Variants in PRDM15 observed in about 807,000 individuals in gnomAD.
PRDM15 encodes the protein PR/SET domain 15, also known as PR domain zinc finger protein 15.
A neutral mutation model predicts 128.6 loss-of-function variants in PRDM15; 64 were observed. The observed-to-expected ratio is 0.50, with a 90% CI of 0.41 to 0.61. The LOEUF is 0.61. PRDM15 is among the 20% of genes least tolerant of loss of function. PRDM15 has a pLI of 0.00. For missense variants in PRDM15, 1,242 were observed against 1,569.1 expected, an observed-to-expected ratio of 0.79 and a Z score of 3.52; for synonymous variants, 615 against 621.8, an observed-to-expected ratio of 0.99 and a Z score of 0.16.
chr21:41,837,977 C>T lies in PRDM15; in HGVS notation c.958G>A (p.Gly320Arg). 2 of 1,614,198 alleles carry T rather than the reference C, an allele frequency of 1.2e-6. No homozygotes were observed. The highest frequency in any genetic ancestry group is 2.2e-5 in the East Asian group (1 of 44,878). ...TCAGTGGTGGTGGTGGCCAGCTTCC[C>T]CAGAACCAGCTCCATGATCCGCTCA... The part of the protein sequence containing the change: ...PDERIMELVL[G>R]KLATTTTDTS... Residue 320 changes from glycine to arginine, a missense_variant, in exon 8 of 24, where the codon GGG (glycine) becomes AGG (arginine). Coordinates refer to ENST00000398548, the MANE Select transcript of PRDM15 (RefSeq NM_001040424.3).
intron 21 of PRDM15, among the ~76,000 whole-genome samples, chr21:41,809,002 C>A (rs2061769988): frequency 6.6e-6 from 1 of 152,226 alleles, no homozygotes; most frequent in South Asian, 2.1e-4. Context: ...AACCCCCCGC[C>A]CCCGCAAGAG....
chr21:41,874,581 C>T (rs1486606818), intron 1 of PRDM15, among the ~76,000 whole-genome samples: 1 of 138,898 alleles, frequency 7.2e-6, no homozygotes, highest in African/African-American at 2.7e-5. Flanking sequence ...TTACGAGACA[C>T]CTGAAACACC....
chr21:41,862,329 C>T lies in PRDM15; in HGVS notation c.-9-1957G>A, dbSNP rs1302819949. ...TCGGAGTGGGAGGATGGAAGGAAGT[C>T]GTCCTGGCCTTGCTTACTTGGGAGC... On this transcript the variant is annotated intron_variant, in intron 1 of 23. Coordinates refer to ENST00000398548, the MANE Select transcript of PRDM15 (RefSeq NM_001040424.3). The surrounding 1 kb of genome is among the most constrained non-coding windows in gnomAD (Gnocchi z 4.1). 2.6e-5 allele frequency among the ~76,000 whole-genome samples: 4 copies of T among 152,178 alleles called. No homozygotes were observed. Among genetic ancestry groups the T allele is most frequent in the Non-Finnish European group, 5.9e-5 (4 of 68,026 alleles).
intron 18 of PRDM15, among the ~76,000 whole-genome samples, chr21:41,817,358 G>A (rs1208552392): frequency 2.0e-5 from 3 of 152,144 alleles, no homozygotes; most frequent in African/African-American, 7.2e-5. Context: ...GGCCCATGAT[G>A]TGATTCTGAA....
chr21:41,846,901 G>T (rs917535866), intron 6 of PRDM15, among the ~76,000 whole-genome samples, 189 bp downstream of exon 6: 10 of 152,114 alleles, frequency 6.6e-5, no homozygotes, highest in Non-Finnish European at 1.2e-4. Flanking sequence ...GGTCGGGGGT[G>T]GGAAGCGGGA....
intron 21 of PRDM15, among the ~76,000 whole-genome samples, chr21:41,806,470 G>T (rs867855912): frequency 5.0e-4 from 13 of 25,902 alleles, no homozygotes; most frequent in Admixed American, 5.7e-4. Flanking sequence ...ATCACCACCA[G>T]CACCACCCAT....
In PRDM15 at chr21:41,828,370, G is replaced by A; in HGVS notation, c.1367-37C>T. 6.2e-7 allele frequency: 1 copy of A among 1,609,336 alleles called. No homozygotes were observed. The highest frequency in any genetic ancestry group is 8.5e-7 in the Non-Finnish European group (1 of 1,176,414). On this transcript the variant is annotated intron_variant, in intron 11 of 23. Coordinates refer to ENST00000398548, the MANE Select transcript of PRDM15 (RefSeq NM_001040424.3). This position sits in a 1 kb window ranked among gnomAD's most constrained non-coding sequence, Gnocchi z 5.7. ...GCAAACAAACACACAACGATTTTGA[G>A]GTAAATAACATCTCACGCAGGCACG...
intron 1 of PRDM15, chr21:41,878,914 G>A: frequency 1.0e-6 from 1 of 954,166 alleles, no homozygotes; most frequent in Non-Finnish European, 1.2e-6. Flanking sequence ...CCCCGCGCTG[G>A]GCCTGGCCGC....
At chr21:41,863,455 T>C (rs2063892898) in intron 1 of PRDM15, among the ~76,000 whole-genome samples, 1 of 152,174 alleles carries the variant, frequency 6.6e-6, no homozygotes, top group Non-Finnish European at 1.5e-5. Flanking sequence ...CTCTTTACAA[T>C]TTATATGACT....
chr21:41,831,094 T>G (rs1247286064), intron 11 of PRDM15, among the ~76,000 whole-genome samples: 1 of 152,278 alleles, frequency 6.6e-6, no homozygotes, highest in Non-Finnish European at 1.5e-5. Context: ...ACTGCACTTC[T>G]GGGCCCCTGG....
intron 21 of PRDM15, among the ~76,000 whole-genome samples, chr21:41,807,635 G>C (rs2061723894): frequency 6.6e-6 from 1 of 152,016 alleles, no homozygotes; most frequent in Non-Finnish European, 1.5e-5. Flanking sequence ...CTCCTACCCA[G>C]ACCGTAAAGT....
chr21:41,852,163 T>C (rs2063448530), intron 5 of PRDM15, among the ~76,000 whole-genome samples: 1 of 152,226 alleles, frequency 6.6e-6, no homozygotes, highest in Admixed American at 6.5e-5. Context: ...ACGAAACACC[T>C]GTAGCTCCAA....
chr21:41,852,634 G>A (rs1568987233), intron 5 of PRDM15, among the ~76,000 whole-genome samples: 1 of 152,224 alleles, frequency 6.6e-6, no homozygotes, highest in African/African-American at 2.4e-5. Flanking sequence ...CGAAGGGTGC[G>A]AAGCCCCCAG....
At chr21:41,829,563 A>G (rs2062609949) in intron 11 of PRDM15, among the ~76,000 whole-genome samples, 1 of 149,294 alleles carries the variant, frequency 6.7e-6, no homozygotes, top group African/African-American at 2.5e-5. Context: ...CACCACATAC[A>G]CAACCCACAA....
rs181300971 is a variant in PRDM15, at chr21:41,878,757, G to A, written c.-10+513C>T. On this transcript the variant is annotated intron_variant, in intron 1 of 23. Transcript: ENST00000398548. ...AGGGACCCCCCCGTGCGACCCGCAT[G>A]GGCTGTACCCGAGGGCGGGGGATAA... 6.8e-5 allele frequency: 103 copies of A among 1,521,306 alleles called. No homozygotes were observed. In the African/African-American group the frequency reaches 1.2e-3, roughly 18 times the overall value. 94.2% of individuals were successfully genotyped at this position (1,521,306 alleles called of 1,614,324 possible).
In PRDM15 at chr21:41,836,266, A is replaced by G. The variant is rs537811954; in HGVS notation, c.1184-59T>C. On this transcript the variant is annotated intron_variant, in intron 9 of 23. Coordinates refer to ENST00000398548, the MANE Select transcript of PRDM15 (RefSeq NM_001040424.3). The stretch of plus-strand genomic sequence containing the variant: ...ACTTAGAGCATTTACCGAGAGAAGC[A>G]TGCCCACCGGGGAAATGCCCCACAA... The G allele has an allele frequency of 4.0e-6, 6 of 1,503,912 alleles. No homozygotes were observed. In the African/African-American group the frequency reaches 4.1e-5, roughly 10 times the overall value. The allele number at this position is 1,503,912 out of a possible 1,614,324, so 93.2% of individuals were successfully genotyped here. A position where few individuals can be genotyped will look rare whatever the true frequency, so the allele number is the denominator to read the frequency against.
At chr21:41,840,442 CA>C (rs35052917) in intron 6 of PRDM15, among the ~76,000 whole-genome samples, 49,864 of 91,222 alleles carry the variant, frequency 0.55, 10,277 homozygotes, top group East Asian at 0.64. Flanking sequence ...AAGACTGTCT[CA>C]AAAAAAAAAA....
chr21:41,825,515 G>A (rs955818391), intron 13 of PRDM15, among the ~76,000 whole-genome samples: 2 of 152,220 alleles, frequency 1.3e-5, no homozygotes, highest in East Asian at 1.9e-4. Context: ...CCATGGGATC[G>A]GCCATGCTCT....
chr21:41,806,033 TCAC>T (rs1568879899), intron 21 of PRDM15, among the ~76,000 whole-genome samples: 2 of 14,280 alleles, frequency 1.4e-4, no homozygotes, highest in African/African-American at 4.8e-4. Context: ...ACCACCACCA[TCAC>T]CACCACCATC....
Sources: allele counts gnomAD v4.1 joint callset (sites outside exome capture counted in the v4.1 genomes callset), GRCh38; gene constraint gnomAD v4.1.1; non-coding constraint Gnocchi (gnomAD v3.1); transcripts MANE v1.5; gene names NCBI Gene and HGNC (gene_info 2026-07-23, HGNC 2026-07-21).